Variants in PTPRD observed in about 807,000 individuals in gnomAD.
PTPRD encodes the protein receptor-type tyrosine-protein phosphatase delta.
A neutral mutation model predicts 214.5 loss-of-function variants in PTPRD; 34 were observed. That is an observed-to-expected ratio of 0.16 (90% confidence interval 0.12 to 0.21). The LOEUF is 0.21. PTPRD is among the 10% of genes least tolerant of loss of function. The pLI is 1.00. For synonymous variants in PTPRD, 1,128 were observed against 845.7 expected, an observed-to-expected ratio of 1.33 and a Z score of -5.79; for missense variants, 2,545 against 2,398.7, an observed-to-expected ratio of 1.06 and a Z score of -1.27.
intron 3 of PTPRD, among the ~76,000 whole-genome samples, chr9:10,244,185 T>C (rs1380940723): frequency 6.6e-6 from 1 of 152,104 alleles, no homozygotes; most frequent in Non-Finnish European, 1.5e-5. Context: ...TGTGAATCAC[T>C]ACTTGGCCTC....
intron 14 of PTPRD, among the ~76,000 whole-genome samples, chr9:8,628,521 G>A (rs12686394): frequency 0.084 from 12,603 of 150,918 alleles, 662 homozygotes; most frequent in South Asian, 0.18. Flanking sequence ...CTGACTTGCT[G>A]AAATAGGCAT....
chr9:10,386,279 A>C (rs1401417044), intron 2 of PTPRD, among the ~76,000 whole-genome samples: 1 of 152,032 alleles, frequency 6.6e-6, no homozygotes, highest in Non-Finnish European at 1.5e-5. Context: ...TTTTCTGTAG[A>C]AACAGAAATT....
At chr9:10,430,698 T>C (rs2098669026) in intron 2 of PTPRD, among the ~76,000 whole-genome samples, 1 of 151,914 alleles carries the variant, frequency 6.6e-6, no homozygotes. Context: ...AACTGAAATA[T>C]ACTTATAGAA....
intron 2 of PTPRD, among the ~76,000 whole-genome samples, chr9:10,598,283 A>T (rs553989342): frequency 1.3e-5 from 2 of 151,824 alleles, no homozygotes; most frequent in Non-Finnish European, 2.9e-5. Context: ...TGCTAGCTCG[A>T]AGTAAACATT....
At chr9:10,547,462 C>T (rs921905237) in intron 2 of PTPRD, among the ~76,000 whole-genome samples, 4 of 152,000 alleles carry the variant, frequency 2.6e-5, no homozygotes, top group African/African-American at 9.7e-5. Flanking sequence ...TTGATACCTT[C>T]TCAGATGTGA....
At chr9:9,148,669 C>T (rs966551828) in intron 10 of PTPRD, among the ~76,000 whole-genome samples, 3 of 152,136 alleles carry the variant, frequency 2.0e-5, no homozygotes, top group Non-Finnish European at 4.4e-5. Flanking sequence ...ATAGAATAAT[C>T]CACTCTAAGT....
At chr9:8,999,383 A>C (rs2099409106) in intron 11 of PTPRD, among the ~76,000 whole-genome samples, 1 of 152,112 alleles carries the variant, frequency 6.6e-6, no homozygotes, top group African/African-American at 2.4e-5. Context: ...ACAACCCTGC[A>C]CTAGCAAAAA....
At position 9,712,151 on chromosome 9, in the gene PTPRD, AAG is replaced by A. The variant is rs148350334; in HGVS notation, c.-287+22380_-287+22381del. Among the ~76,000 whole-genome samples, 1,040 of 152,330 alleles carry A rather than the reference AAG, an allele frequency of 6.8e-3. 9 individuals carry two copies. The highest frequency in any genetic ancestry group is 0.024 in the African/African-American group (998 of 41,572). ...AAACCAAATATAAAATTATAACAAT[AAG>A]AGTATCCATTAAATTTTTTTTGTCT... On this transcript the variant is annotated intron_variant, in intron 7 of 45. Coordinates refer to ENST00000381196, the MANE Select transcript of PTPRD (RefSeq NM_002839.4).
intron 39 of PTPRD, among the ~76,000 whole-genome samples, chr9:8,372,439 C>T (rs560936502): frequency 2.0e-5 from 3 of 152,038 alleles, no homozygotes; most frequent in Admixed American, 2.0e-4. Flanking sequence ...TTATAAAATT[C>T]TCATTGCTAT....
chr9:8,556,997 G>A, intron 14 of PTPRD, among the ~76,000 whole-genome samples: 1 of 152,062 alleles, frequency 6.6e-6, no homozygotes, highest in Non-Finnish European at 1.5e-5. Flanking sequence ...GGCAATATTG[G>A]TTGTTTCATA....
intron 4 of PTPRD, among the ~76,000 whole-genome samples, chr9:9,950,180 A>T (rs2093307047): frequency 6.6e-6 from 1 of 152,138 alleles, no homozygotes. Flanking sequence ...TGCTGACCTA[A>T]CCTGATAATG....
intron 39 of PTPRD, among the ~76,000 whole-genome samples, chr9:8,368,974 A>T (rs2080749213): frequency 6.6e-6 from 1 of 152,088 alleles, no homozygotes; most frequent in Admixed American, 6.6e-5. Flanking sequence ...TGGCATTTTT[A>T]ACAATCCTAC....
At chr9:9,947,491 T>G (rs371984623) in intron 4 of PTPRD, among the ~76,000 whole-genome samples, 1 of 24,882 alleles carries the variant, frequency 4.0e-5, no homozygotes, top group African/African-American at 1.6e-4. Context: ...TTTATATATA[T>G]TATATATATT....
At chr9:10,248,607 AG>A (rs2092460375) in intron 3 of PTPRD, among the ~76,000 whole-genome samples, 1 of 152,026 alleles carries the variant, frequency 6.6e-6, no homozygotes, top group South Asian at 2.1e-4. Context: ...GCAAAATAAA[AG>A]TTTCCGTACC....
At position 8,489,609 on chromosome 9, in the gene PTPRD, C is replaced by G. The variant is rs1265884047; in HGVS notation, c.2467+3253G>C. On this transcript the variant is annotated intron_variant, in intron 27 of 45. Coordinates refer to ENST00000381196, the MANE Select transcript of PTPRD (RefSeq NM_002839.4). ...CATGAAGGGTCACACGAAGCGATGC[C>G]TAAAATTTCCATAAGCATGTGAATA... Among the ~76,000 whole-genome samples, 3 of 152,254 alleles carry G rather than the reference C, an allele frequency of 2.0e-5. No homozygotes were observed. The East Asian group carries it at 5.8e-4, about 29-fold the overall frequency.
At chr9:8,945,017 A>T (rs2099055186) in intron 11 of PTPRD, among the ~76,000 whole-genome samples, 1 of 152,138 alleles carries the variant, frequency 6.6e-6, no homozygotes, top group Non-Finnish European at 1.5e-5. Context: ...TATGTCCCCC[A>T]TAAACATATG....
At chr9:9,048,487 A>T (rs2099677941) in intron 10 of PTPRD, among the ~76,000 whole-genome samples, 4 of 152,150 alleles carry the variant, frequency 2.6e-5, no homozygotes. Context: ...AACAAATGAG[A>T]TCTTGTGATT....
At chr9:9,624,270 GT>G (rs3049073) in intron 7 of PTPRD, among the ~76,000 whole-genome samples, 16 of 149,786 alleles carry the variant, frequency 1.1e-4, no homozygotes, top group South Asian at 4.2e-4. Context: ...TCAGTAGCTA[GT>G]TTTTTTTTTG....
chr9:9,318,512 G>C (rs959724024), intron 9 of PTPRD, among the ~76,000 whole-genome samples: 4 of 152,060 alleles, frequency 2.6e-5, no homozygotes, highest in African/African-American at 9.7e-5. Context: ...AGAAACCAAA[G>C]TATTACAAAA....
Sources: gnomAD v4.1 joint callset for allele counts (sites outside exome capture counted in the v4.1 genomes callset) on GRCh38, gnomAD v4.1.1 for gene constraint, MANE v1.5 for transcripts, NCBI Gene and HGNC (gene_info 2026-07-23, HGNC 2026-07-21) for gene names.